The following PARD3 variants were observed in gnomAD, a reference collection of about 807,000 sequenced individuals.
PARD3 encodes the protein par-3 family cell polarity regulator.
PARD3 carries 75 observed loss-of-function variants against 155.4 expected under a neutral mutation model. The observed-to-expected ratio is 0.48, with a 90% CI of 0.40 to 0.58. The LOEUF (loss-of-function observed/expected upper bound fraction) is 0.58. Among genes scored for constraint, PARD3 ranks in the 20% least tolerant of loss-of-function variants. The pLI, the probability that PARD3 is intolerant of heterozygous loss-of-function variation, is 0.00. For missense variants in PARD3, 1,642 were observed against 1,721.7 expected, an observed-to-expected ratio of 0.95 and a Z score of 0.82; for synonymous variants, 576 against 610.5, an observed-to-expected ratio of 0.94 and a Z score of 0.83.
chr10:34,775,942 T>C (rs528677617), intron 1 of PARD3, among the ~76,000 whole-genome samples: 3 of 152,218 alleles, frequency 2.0e-5, no homozygotes, highest in East Asian at 1.9e-4. Flanking sequence ...AAGTAATATA[T>C]GGCCAGGCAT....
intron 22 of PARD3, among the ~76,000 whole-genome samples, chr10:34,265,533 T>C (rs1588988965): frequency 6.6e-6 from 1 of 152,190 alleles, no homozygotes; most frequent in African/African-American, 2.4e-5. Context: ...TCCAAAAATT[T>C]GAATAGTAAA....
intron 20 of PARD3, among the ~76,000 whole-genome samples, chr10:34,291,844 C>T (rs933266974): frequency 2.6e-5 from 4 of 152,182 alleles, no homozygotes; most frequent in Non-Finnish European, 5.9e-5. Flanking sequence ...GCCAGGGATT[C>T]GAGACCAGCT....
chr10:34,751,227 A>G (rs1232140483), intron 1 of PARD3, among the ~76,000 whole-genome samples: 1 of 148,806 alleles, frequency 6.7e-6, no homozygotes, highest in Non-Finnish European at 1.5e-5. Flanking sequence ...AAAAAAAAAA[A>G]TAGCCTCGTA....
At chr10:34,339,267 G>C (rs1019704742) in intron 16 of PARD3, among the ~76,000 whole-genome samples, 1 of 152,068 alleles carries the variant, frequency 6.6e-6, no homozygotes, top group African/African-American at 2.4e-5. Flanking sequence ...TGAGGCAGGA[G>C]AATGGTGTGA....
intron 3 of PARD3, among the ~76,000 whole-genome samples, chr10:34,483,167 C>G (rs1250350609): frequency 6.6e-6 from 1 of 151,810 alleles, no homozygotes; most frequent in Non-Finnish European, 1.5e-5. Flanking sequence ...AGAAAACAAA[C>G]AAACAAAAAT....
intron 1 of PARD3, among the ~76,000 whole-genome samples, chr10:34,701,481 A>G (rs2094278318): frequency 6.6e-6 from 1 of 152,118 alleles, no homozygotes; most frequent in Non-Finnish European, 1.5e-5. Flanking sequence ...ATTTTGCAGA[A>G]CCAAGAAAGG....
intron 2 of PARD3, among the ~76,000 whole-genome samples, chr10:34,678,896 G>C (rs1229093694): frequency 6.6e-6 from 1 of 151,816 alleles, no homozygotes; most frequent in African/African-American, 2.4e-5. Flanking sequence ...GCTCTCTTGA[G>C]GTTCAATGAC....
intron 1 of PARD3, among the ~76,000 whole-genome samples, chr10:34,726,197 T>G (rs934098334): frequency 2.0e-5 from 3 of 152,236 alleles, no homozygotes; most frequent in African/African-American, 7.2e-5. Flanking sequence ...GGCTCATGCC[T>G]GTAACCCCAG....
intron 2 of PARD3, among the ~76,000 whole-genome samples, chr10:34,517,829 C>T (rs993158860): frequency 4.6e-5 from 7 of 152,070 alleles, no homozygotes; most frequent in Admixed American, 2.0e-4. Context: ...TAAACTGGTG[C>T]TCAGAATGGA....
intron 2 of PARD3, among the ~76,000 whole-genome samples, chr10:34,635,078 C>T (rs937751260): frequency 1.4e-4 from 21 of 152,166 alleles, no homozygotes; most frequent in Admixed American, 1.0e-3. Context: ...TGCTCAAAAC[C>T]GGAGATTCAC....
At chr10:34,206,660 T>A (rs1023596735) in intron 22 of PARD3, among the ~76,000 whole-genome samples, 2 of 152,210 alleles carry the variant, frequency 1.3e-5, no homozygotes, top group Admixed American at 1.3e-4. Context: ...GCAGTCATGT[T>A]TATATCCACT....
At chr10:34,578,223 T>G (rs2087067702) in intron 2 of PARD3, among the ~76,000 whole-genome samples, 1 of 152,028 alleles carries the variant, frequency 6.6e-6, no homozygotes, top group Non-Finnish European at 1.5e-5. Flanking sequence ...CAAAACTTCG[T>G]GCTGAAAAAA....
At chr10:34,630,414 C>G (rs549995278) in intron 2 of PARD3, among the ~76,000 whole-genome samples, 23 of 152,042 alleles carry the variant, frequency 1.5e-4, no homozygotes, top group African/African-American at 5.5e-4. Flanking sequence ...ACCAGAGCAT[C>G]CTAGTCCACC....
At chr10:34,711,509 G>A (rs936646992) in intron 1 of PARD3, among the ~76,000 whole-genome samples, 1 of 152,146 alleles carries the variant, frequency 6.6e-6, no homozygotes, top group Non-Finnish European at 1.5e-5. Context: ...CACAGGGCGA[G>A]ACTCTGTCTC....
At chr10:34,292,473 T>C (rs543952088) in intron 20 of PARD3, among the ~76,000 whole-genome samples, 5 of 152,248 alleles carry the variant, frequency 3.3e-5, no homozygotes, top group African/African-American at 1.2e-4. Flanking sequence ...AAAAAGCATC[T>C]TGGTAATCAA....
intron 22 of PARD3, among the ~76,000 whole-genome samples, chr10:34,227,883 T>TATAC (rs1491222875): frequency 1.5e-5 from 2 of 130,458 alleles, no homozygotes; most frequent in African/African-American, 5.8e-5. Flanking sequence ...TATATATATA[T>TATAC]ACTGGGAATA....
At chr10:34,765,346 C>A (rs1337915547) in intron 1 of PARD3, among the ~76,000 whole-genome samples, 1 of 152,086 alleles carries the variant, frequency 6.6e-6, no homozygotes, top group Non-Finnish European at 1.5e-5. Flanking sequence ...ATTACATAAA[C>A]CAGGCATGGT....
chr10:34,216,813 G>A (rs1015158754), intron 22 of PARD3, among the ~76,000 whole-genome samples: 1 of 152,156 alleles, frequency 6.6e-6, no homozygotes, highest in Non-Finnish European at 1.5e-5. Flanking sequence ...AACTATAATG[G>A]TGATTTCCTT....
intron 5 of PARD3, among the ~76,000 whole-genome samples, chr10:34,410,535 A>C (rs1844940006): frequency 6.6e-6 from 1 of 152,210 alleles, no homozygotes; most frequent in Admixed American, 6.5e-5. Flanking sequence ...TCTTTGGAGG[A>C]AGTCTATAAC....
Sources: gnomAD v4.1 joint callset for allele counts (sites outside exome capture counted in the v4.1 genomes callset) on GRCh38, gnomAD v4.1.1 for gene constraint, MANE v1.5 for transcripts, NCBI Gene and HGNC (gene_info 2026-07-23, HGNC 2026-07-21) for gene names.